The following SCGB2B2 variants were observed in gnomAD, a reference collection of about 807,000 sequenced individuals.
The protein encoded by SCGB2B2 is secretoglobin family 2B member 2, also known as secretoglobin-like protein.
In SCGB2B2, 11 loss-of-function variants were observed where a neutral mutation model predicts 7.6. The observed-to-expected ratio is 1.45, with a 90% CI of 0.91 to 2.40. SCGB2B2 has a LOEUF of 2.40. Among genes scored for constraint, SCGB2B2 ranks in the 30% most tolerant of loss-of-function variants. The pLI, the probability that SCGB2B2 is intolerant of heterozygous loss-of-function variation, is 0.00. For missense variants in SCGB2B2, 104 were observed against 115.4 expected, an observed-to-expected ratio of 0.90 and a Z score of 0.45; for synonymous variants, 50 against 48.6, an observed-to-expected ratio of 1.03 and a Z score of -0.12.
intron 1 of SCGB2B2, among the ~76,000 whole-genome samples, chr19:34,653,408 C>T (rs2067209976): frequency 6.6e-6 from 1 of 151,188 alleles, no homozygotes; most frequent in South Asian, 2.1e-4. Context: ...GGTGTATATG[C>T]TAATCACCCT....
intron 1 of SCGB2B2, among the ~76,000 whole-genome samples, chr19:34,624,055 C>A (rs1450878600): frequency 6.6e-6 from 1 of 152,094 alleles, no homozygotes; most frequent in Admixed American, 6.5e-5. Flanking sequence ...GTCAATATGG[C>A]CCCCCAACAC....
At chr19:34,613,613 T>C (rs2145854656) in intron 1 of SCGB2B2, among the ~76,000 whole-genome samples, 1 of 152,376 alleles carries the variant, frequency 6.6e-6, no homozygotes, top group South Asian at 2.1e-4. Flanking sequence ...ATATCCTTTG[T>C]TGTTTTCTTC....
At chr19:34,669,382 T>G (rs778060316) in intron 1 of SCGB2B2, among the ~76,000 whole-genome samples, 36 of 152,248 alleles carry the variant, frequency 2.4e-4, no homozygotes, top group Admixed American at 1.6e-3. Context: ...CTGCTACCCA[T>G]TCAGACAAAC....
intron 1 of SCGB2B2, among the ~76,000 whole-genome samples, chr19:34,626,296 G>A (rs1474318603): frequency 6.6e-6 from 1 of 152,080 alleles, no homozygotes; most frequent in East Asian, 1.9e-4. Context: ...GGCTTCAGAC[G>A]ATCAAACTAC....
intron 1 of SCGB2B2, among the ~76,000 whole-genome samples, chr19:34,662,333 A>G (rs2067480988): frequency 6.6e-6 from 1 of 152,198 alleles, no homozygotes; most frequent in Non-Finnish European, 1.5e-5. Flanking sequence ...ACTTCACGTA[A>G]AAGTCCATTC....
Position 34,619,619 on chromosome 19 carries a change from C to T in SCGB2B2, c.-2031-23025G>A, listed in dbSNP as rs538280853. On this transcript the variant is annotated intron_variant, in intron 1 of 3. Coordinates refer to ENST00000601241, the MANE Select transcript of SCGB2B2 (RefSeq NM_001025591.4). ...AAGACACGAAATCAGAAGCTGTCCACAAAGAGGAAAGGAAGCAATAAATGG... is the reference window on the plus strand; with the variant it reads ...AAGACACGAAATCAGAAGCTGTCCATAAAGAGGAAAGGAAGCAATAAATGG... 1.5e-4 allele frequency among the ~76,000 whole-genome samples: 23 copies of T among 152,150 alleles called. No homozygotes were observed. In the South Asian group the frequency reaches 3.5e-3, roughly 23 times the overall value.
chr19:34,666,289 T>A (rs1009901929), intron 1 of SCGB2B2, among the ~76,000 whole-genome samples: 10 of 151,850 alleles, frequency 6.6e-5, no homozygotes, highest in Non-Finnish European at 1.5e-4. Context: ...ATTCAGATAA[T>A]CACAGACGCT....
intron 1 of SCGB2B2, among the ~76,000 whole-genome samples, chr19:34,648,350 C>T (rs1424838178): frequency 2.0e-5 from 3 of 152,080 alleles, no homozygotes; most frequent in Admixed American, 6.5e-5. Context: ...TCAAAGGCCA[C>T]GAGTTTCAAC....
chr19:34,629,597 C>T (rs914677657), intron 1 of SCGB2B2, among the ~76,000 whole-genome samples: 1 of 151,884 alleles, frequency 6.6e-6, no homozygotes, highest in Non-Finnish European at 1.5e-5. Context: ...AACTACAAAC[C>T]ACTGCTCAAT....
At chr19:34,599,881 A>T (rs16969531) in intron 1 of SCGB2B2, among the ~76,000 whole-genome samples, 3,491 of 152,196 alleles carry the variant, frequency 0.023, 136 homozygotes, top group African/African-American at 0.078. Context: ...GTGACATAGA[A>T]CACAAGTATG....
chr19:34,590,389 C>G (rs1240426812), downstream of SCGB2B2, among the ~76,000 whole-genome samples: 1 of 151,528 alleles, frequency 6.6e-6, no homozygotes, highest in Non-Finnish European at 1.5e-5. Flanking sequence ...GTTCATCCAT[C>G]CATCCATTCA....
intron 1 of SCGB2B2, among the ~76,000 whole-genome samples, chr19:34,627,644 T>G (rs916457529): frequency 4.6e-5 from 7 of 152,168 alleles, no homozygotes; most frequent in Non-Finnish European, 1.0e-4. Context: ...ACAAAGAGAC[T>G]TGGACTCCCA....
intron 1 of SCGB2B2, among the ~76,000 whole-genome samples, chr19:34,607,796 T>G (rs1326744547): frequency 6.6e-6 from 1 of 152,250 alleles, no homozygotes; most frequent in Non-Finnish European, 1.5e-5. Context: ...ATTGGATTGT[T>G]TTTTGCAATG....
chr19:34,673,872 G>A (rs943683362), intron 1 of SCGB2B2, among the ~76,000 whole-genome samples: 1 of 152,108 alleles, frequency 6.6e-6, no homozygotes, highest in Non-Finnish European at 1.5e-5. Context: ...TCTCAAAATG[G>A]AACTATACTT....
intron 1 of SCGB2B2, among the ~76,000 whole-genome samples, chr19:34,642,297 CT>C (rs952554888): frequency 1.4e-4 from 22 of 152,182 alleles, no homozygotes; most frequent in African/African-American, 5.3e-4. Context: ...CCCCTCCACC[CT>C]TGTGGGCCCT....
intron 1 of SCGB2B2, among the ~76,000 whole-genome samples, chr19:34,649,089 G>A (rs1341630694): frequency 6.6e-6 from 1 of 152,010 alleles, no homozygotes; most frequent in East Asian, 1.9e-4. Context: ...TCTTTCTTTA[G>A]TAGAGACAGG....
chr19:34,611,806 C>T (rs899899499), intron 1 of SCGB2B2, among the ~76,000 whole-genome samples: 4 of 151,578 alleles, frequency 2.6e-5, no homozygotes, highest in Non-Finnish European at 4.4e-5. Flanking sequence ...CCTGCTACCA[C>T]ACCTGGCTAA....
At chr19:34,655,227 AC>A (rs2067252512) in intron 1 of SCGB2B2, among the ~76,000 whole-genome samples, 1 of 151,174 alleles carries the variant, frequency 6.6e-6, no homozygotes, top group African/African-American at 2.5e-5. Context: ...GCCTCATTAT[AC>A]CCAATTCCCT....
Position 34,662,842 on chromosome 19 carries a change from G to A in SCGB2B2, c.-2032+12788C>T, listed in dbSNP as rs186496151. 6.2e-3 allele frequency among the ~76,000 whole-genome samples: 940 copies of A among 152,120 alleles called. 15 individuals carry two copies. The highest frequency in any genetic ancestry group is 0.022 in the African/African-American group (913 of 41,472). On this transcript the variant is annotated intron_variant, in intron 1 of 3. Coordinates refer to ENST00000601241, the MANE Select transcript of SCGB2B2 (RefSeq NM_001025591.4). Reference sequence around the variant, plus strand: ...GCTACTCAGGAGGCTGAAACAGGAGGATCGCTTGAGCTCAGGAGGTTGAGG... The same window carrying A: ...GCTACTCAGGAGGCTGAAACAGGAGAATCGCTTGAGCTCAGGAGGTTGAGG...
Sources: gnomAD v4.1 joint callset for allele counts (sites outside exome capture counted in the v4.1 genomes callset) on GRCh38, gnomAD v4.1.1 for gene constraint, MANE v1.5 for transcripts, NCBI Gene and HGNC (gene_info 2026-07-23, HGNC 2026-07-21) for gene names.